Variants in ARPP19 observed in about 807,000 individuals in gnomAD.
The protein encoded by ARPP19 is cAMP-regulated phosphoprotein 19.
In ARPP19, 8 loss-of-function variants were observed where a neutral mutation model predicts 12.0. The observed-to-expected ratio is 0.67, with a 90% confidence interval of 0.39 to 1.21. The LOEUF (loss-of-function observed/expected upper bound fraction) is 1.21. ARPP19 is among the 50% of genes most tolerant of loss of function. The pLI, the probability that ARPP19 is intolerant of heterozygous loss-of-function variation, is 0.01. For synonymous variants in ARPP19, 47 were observed against 50.4 expected, an observed-to-expected ratio of 0.93 and a Z score of 0.29; for missense variants, 102 against 136.3, an observed-to-expected ratio of 0.75 and a Z score of 1.25.
intron 2 of ARPP19, among the ~76,000 whole-genome samples, chr15:52,554,138 G>A (rs1202728089): frequency 6.6e-6 from 1 of 152,140 alleles, no homozygotes; most frequent in Non-Finnish European, 1.5e-5. Context: ...AGCACATACT[G>A]AGAAATTTAA....
rs73396704 is a variant in ARPP19, at chr15:52,554,202, A to C, written c.169-2098T>G. 1.4e-3 allele frequency among the ~76,000 whole-genome samples: 212 copies of C among 152,266 alleles called. 1 individual carries two copies. Among genetic ancestry groups the C allele is most frequent in the African/African-American group, 4.9e-3 (202 of 41,576 alleles). ...CCCCTATGTAATAAACGCAGTTTCT[A>C]ATGTAAGTAATTTTATAGTAAGCAA... is the stretch of plus-strand genomic sequence containing the variant. On this transcript the variant is annotated intron_variant, in intron 2 of 2. Coordinates refer to ENST00000249822, the MANE Select transcript of ARPP19 (RefSeq NM_006628.6).
At chr15:52,558,511 C>T (rs747946399) in intron 1 of ARPP19, among the ~76,000 whole-genome samples, 4 of 150,388 alleles carry the variant, frequency 2.7e-5, no homozygotes, top group Non-Finnish European at 5.9e-5. Context: ...AGAGAAAAAG[C>T]TGTACTGAGA....
Position 52,551,816 on chromosome 15 carries a change from T to C in ARPP19, c.*118A>G, listed in dbSNP as rs1376239467. 2.6e-6 allele frequency: 2 copies of C among 773,570 alleles called. No individual in the cohort carries two copies. The highest frequency in any genetic ancestry group is 2.4e-5 in the East Asian group (1 of 40,872). The allele number at this position is 773,570 out of a possible 1,614,324, so 47.9% of individuals were successfully genotyped here. Reference sequence around the variant, plus strand: ...CCACAATAGCAGCACACACTACTGCTACCTGCAAAGCTGTCAGTCTCAAAT... The same window carrying C: ...CCACAATAGCAGCACACACTACTGCCACCTGCAAAGCTGTCAGTCTCAAAT... On this transcript the variant is annotated 3_prime_UTR_variant, in exon 3 of 3. Coordinates refer to ENST00000249822, the MANE Select transcript of ARPP19 (RefSeq NM_006628.6).
intron 2 of ARPP19, among the ~76,000 whole-genome samples, chr15:52,555,372 A>G (rs1181699147): frequency 3.9e-5 from 6 of 152,066 alleles, no homozygotes; most frequent in Non-Finnish European, 7.4e-5. Flanking sequence ...ACAATAATCA[A>G]ATCAAAATAA....
chr15:52,568,656 G>C (rs892330493), intron 1 of ARPP19, 192 bp downstream of exon 1: 8 of 481,644 alleles, frequency 1.7e-5, no homozygotes, highest in African/African-American at 1.0e-4. Flanking sequence ...GAGTAAACGC[G>C]GGGCACGTTG....
intron 1 of ARPP19, chr15:52,564,195 G>A: frequency 6.5e-7 from 1 of 1,532,426 alleles, no homozygotes; most frequent in Middle Eastern, 1.7e-4. Flanking sequence ...TTTACCTCTA[G>A]GCTGTTAGGA....
At chr15:52,560,181 TTC>T (rs2078019063) in intron 1 of ARPP19, among the ~76,000 whole-genome samples, 1 of 152,110 alleles carries the variant, frequency 6.6e-6, no homozygotes, top group Non-Finnish European at 1.5e-5. Context: ...TATTTTCTTT[TTC>T]TTTTTTTTTT....
chr15:52,562,452 A>G (rs878874043), intron 1 of ARPP19, among the ~76,000 whole-genome samples: 1 of 152,172 alleles, frequency 6.6e-6, no homozygotes, highest in African/African-American at 2.4e-5. Context: ...ATTTAAAAAA[A>G]ATAGGAGTTC....
chr15:52,549,189 T>C lies in ARPP19; in HGVS notation c.*2745A>G, dbSNP rs1344830195. 1 of 152,232 alleles carries C rather than the reference T, an allele frequency of 6.6e-6. No homozygotes were observed. Among genetic ancestry groups the C allele is most frequent in the African/African-American group, 2.4e-5 (1 of 41,468 alleles). 9.4% of individuals were successfully genotyped at this position (152,232 alleles called of 1,614,324 possible). A position where few individuals can be genotyped will look rare whatever the true frequency, so the allele number is the denominator to read the frequency against. On this transcript the variant is annotated 3_prime_UTR_variant, in exon 3 of 3. Coordinates refer to ENST00000249822, the MANE Select transcript of ARPP19 (RefSeq NM_006628.6). ...GAAGTATTTATCAACAACTTCAATT[T>C]ATTCCAACATTAATTTATGATAGGA... is the stretch of plus-strand genomic sequence containing the variant.
intron 2 of ARPP19, among the ~76,000 whole-genome samples, chr15:52,552,389 G>A (rs1300831158): frequency 1.3e-5 from 2 of 151,486 alleles, no homozygotes; most frequent in African/African-American, 4.8e-5. Context: ...GGCCAATATG[G>A]CGAAACCCTG....
intron 2 of ARPP19, among the ~76,000 whole-genome samples, chr15:52,552,583 C>CAAAAA (rs10600080): frequency 3.4e-5 from 2 of 59,696 alleles, no homozygotes; most frequent in African/African-American, 5.6e-5. Flanking sequence ...GACTGTCTCA[C>CAAAAA]AAAAAAAAAA....
Position 52,551,250 on chromosome 15 carries a change from C to A in ARPP19, c.*684G>T, listed in dbSNP as rs2077927730. 6.5e-6 allele frequency: 1 copy of A among 152,680 alleles called. No individual in the cohort carries two copies. The highest frequency in any genetic ancestry group is 1.5e-5 in the Non-Finnish European group (1 of 68,038). The allele number at this position is 152,680 out of a possible 1,614,324, so 9.5% of individuals were successfully genotyped here. ...ACAAAAGTGAATTCAACAGTTAATG[C>A]ACATGCATACTTCATTCACATCTTC... On this transcript the variant is annotated 3_prime_UTR_variant, in exon 3 of 3. Transcript: ENST00000249822.
At chr15:52,563,234 C>A (rs1263085586) in intron 1 of ARPP19, among the ~76,000 whole-genome samples, 2 of 152,094 alleles carry the variant, frequency 1.3e-5, no homozygotes, top group African/African-American at 4.8e-5. Context: ...TTGTGTTACA[C>A]AGCAATTTTA....
At chr15:52,556,947 C>T in intron 2 of ARPP19, 153 bp downstream of exon 2, 1 of 719,312 alleles carries the variant, frequency 1.4e-6, no homozygotes, top group Non-Finnish European at 2.2e-6. Flanking sequence ...TTATAAACTG[C>T]AAAATATTGG....
At chr15:52,560,449 G>C (rs1304730773) in intron 1 of ARPP19, among the ~76,000 whole-genome samples, 2 of 152,200 alleles carry the variant, frequency 1.3e-5, no homozygotes, top group Middle Eastern at 3.2e-3. Flanking sequence ...AAAAAAACAA[G>C]CCGATTCTTG....
At chr15:52,562,415 T>G (rs767069302) in intron 1 of ARPP19, among the ~76,000 whole-genome samples, 1 of 152,108 alleles carries the variant, frequency 6.6e-6, no homozygotes, top group Non-Finnish European at 1.5e-5. Flanking sequence ...TTCTAAATAA[T>G]TCCTGGTTAA....
rs1213222933 is a variant in ARPP19, at chr15:52,551,309, A to C, written c.*625T>G. On this transcript the variant is annotated 3_prime_UTR_variant, in exon 3 of 3. Coordinates refer to ENST00000249822, the MANE Select transcript of ARPP19 (RefSeq NM_006628.6). ...AAGGTATTCTAACTCTACAGAACTGAATATTAGCTTCAACGGCAGCTGTTA... is the reference window on the plus strand; with the variant it reads ...AAGGTATTCTAACTCTACAGAACTGCATATTAGCTTCAACGGCAGCTGTTA... 6.5e-6 allele frequency: 1 copy of C among 152,720 alleles called. No homozygotes were observed. The highest frequency in any genetic ancestry group is 2.4e-5 in the African/African-American group (1 of 41,472). The allele number at this position is 152,720 out of a possible 1,614,324, so 9.5% of individuals were successfully genotyped here.
In ARPP19 at chr15:52,549,117, G is replaced by A. The variant is rs2077905741; in HGVS notation, c.*2817C>T. 6.6e-6 allele frequency: 1 copy of A among 152,180 alleles called. No individual in the cohort carries two copies. The highest frequency in any genetic ancestry group is 2.4e-5 in the African/African-American group (1 of 41,448). The allele number at this position is 152,180 out of a possible 1,614,324, so 9.4% of individuals were successfully genotyped here. A position where few individuals can be genotyped will look rare whatever the true frequency, so the allele number is the denominator to read the frequency against. ...CAAAACTGTTCTATCAAATGTAGTA[G>A]CTATTGGACATAAAACAAGTAATTT... On this transcript the variant is annotated 3_prime_UTR_variant, in exon 3 of 3. Transcript: ENST00000249822.
Position 52,551,712 on chromosome 15 carries a change from T to C in ARPP19, c.*222A>G, listed in dbSNP as rs1474822253. ...GGTAATATATACAACTATTTTCAAGTAGTTTACTTATGTTGCTCTAACATG... is the reference window on the plus strand; with the variant it reads ...GGTAATATATACAACTATTTTCAAGCAGTTTACTTATGTTGCTCTAACATG... On this transcript the variant is annotated 3_prime_UTR_variant, in exon 3 of 3. Transcript: ENST00000249822. 3 of 471,026 alleles carry C rather than the reference T, an allele frequency of 6.4e-6. No individual in the cohort carries two copies. The highest frequency in any genetic ancestry group is 1.1e-5 in the Non-Finnish European group (3 of 266,850). 29.2% of individuals were successfully genotyped at this position (471,026 alleles called of 1,614,324 possible). A position where few individuals can be genotyped will look rare whatever the true frequency, so the allele number is the denominator to read the frequency against.
Sources: allele counts gnomAD v4.1 joint callset (sites outside exome capture counted in the v4.1 genomes callset), GRCh38; gene constraint gnomAD v4.1.1; transcripts MANE v1.5; gene names NCBI Gene and HGNC (gene_info 2026-07-23, HGNC 2026-07-21).